Variants in ROCK2 observed in about 807,000 individuals in gnomAD.
The protein encoded by ROCK2 is rho-associated protein kinase 2.
ROCK2 carries 61 observed loss-of-function variants against 195.1 expected under a neutral mutation model. That is an observed-to-expected ratio of 0.31 (90% CI 0.25 to 0.39). The LOEUF (loss-of-function observed/expected upper bound fraction) is 0.39. ROCK2 is among the 10% of genes least tolerant of loss of function. The pLI is 1.00. For synonymous variants in ROCK2, 504 were observed against 545.5 expected (o/e 0.92, Z 1.06); for missense variants, 1,109 against 1,637.4 (o/e 0.68, Z 5.57).
In ROCK2 at chr2:11,198,791, GA is replaced by G. The variant is rs1367186723; in HGVS notation, c.2911-18del. ...TTCCTCAAGCTAAGAAATGAAAGAG[GA>G]AAAAATAATCACATCCCAATTTACA... On this transcript the variant is annotated intron_variant, in intron 23 of 32. Coordinates refer to ENST00000315872, the MANE Select transcript of ROCK2 (RefSeq NM_004850.5). 2.1e-6 allele frequency: 3 copies of G among 1,449,916 alleles called. No homozygotes were observed. Among genetic ancestry groups the G allele is most frequent in the Non-Finnish European group, 2.9e-6 (3 of 1,051,898 alleles). 89.8% of individuals were successfully genotyped at this position (1,449,916 alleles called of 1,614,324 possible). A position where few individuals can be genotyped will look rare whatever the true frequency, so the allele number is the denominator to read the frequency against.
intron 1 of ROCK2, among the ~76,000 whole-genome samples, chr2:11,288,013 G>A (rs1667252282): frequency 6.6e-6 from 1 of 152,172 alleles, no homozygotes. Flanking sequence ...TTGCTAGACA[G>A]ATGTCTTCTT....
upstream of ROCK2, among the ~76,000 whole-genome samples, chr2:11,344,763 T>G (rs1443161246): frequency 6.7e-6 from 1 of 149,550 alleles, no homozygotes; most frequent in Non-Finnish European, 1.5e-5. This position sits in a 1 kb window ranked among gnomAD's most constrained non-coding sequence, Gnocchi z 5.4. Flanking sequence ...TTCTTTCCCT[T>G]CCTGCGTCTG....
At position 11,254,459 on chromosome 2, in the gene ROCK2, A is replaced by G. The variant is rs368624672; in HGVS notation, c.325-4661T>C. Among the ~76,000 whole-genome samples the G allele has an allele frequency of 3.3e-5, 5 of 152,302 alleles. No homozygotes were observed. The East Asian group carries it at 5.8e-4, about 18-fold the overall frequency. On this transcript the variant is annotated intron_variant, in intron 3 of 32. Transcript: ENST00000315872. Reference sequence around the variant, plus strand: ...GGAGAGGGAGATCCCTAGAAGTCACATGTGTGTACTTGGCTAAAGGCTGGG... The same window carrying G: ...GGAGAGGGAGATCCCTAGAAGTCACGTGTGTGTACTTGGCTAAAGGCTGGG...
intron 20 of ROCK2, among the ~76,000 whole-genome samples, chr2:11,205,567 G>A (rs926184605): frequency 6.6e-6 from 1 of 150,452 alleles, no homozygotes; most frequent in East Asian, 2.0e-4. Context: ...AGCCAACATA[G>A]CACTTCATAT....
At chr2:11,271,743 C>T (rs982987869) in intron 3 of ROCK2, among the ~76,000 whole-genome samples, 22 of 152,048 alleles carry the variant, frequency 1.4e-4, no homozygotes, top group Admixed American at 8.5e-4. Context: ...CTGAAAGGTT[C>T]GGGGCTGGGC....
intron 30 of ROCK2, among the ~76,000 whole-genome samples, chr2:11,193,267 T>C (rs1355762670): frequency 6.6e-6 from 1 of 152,080 alleles, no homozygotes; most frequent in East Asian, 1.9e-4. Context: ...TTCCACACAG[T>C]ACACCAAGCA....
intron 3 of ROCK2, among the ~76,000 whole-genome samples, chr2:11,262,434 T>C (rs1303899190): frequency 2.0e-5 from 3 of 152,138 alleles, no homozygotes; most frequent in East Asian, 1.9e-4. Flanking sequence ...CATGGTGATA[T>C]GGTGTGGCTG....
At chr2:11,198,937 C>T (rs1289378974) in intron 23 of ROCK2, among the ~76,000 whole-genome samples, 163 bp from the exon 24 acceptor site, 1 of 143,344 alleles carries the variant, frequency 7.0e-6, no homozygotes, top group Non-Finnish European at 1.5e-5. Flanking sequence ...GTGAGTCTTG[C>T]TCTGTCAACC....
intron 3 of ROCK2, among the ~76,000 whole-genome samples, chr2:11,253,015 C>T (rs1011464110): frequency 6.7e-6 from 1 of 149,786 alleles, no homozygotes; most frequent in South Asian, 2.1e-4. Context: ...AGAATCTATA[C>T]TATTTCTACA....
intron 1 of ROCK2, among the ~76,000 whole-genome samples, chr2:11,336,411 G>A (rs1459456013): frequency 6.6e-6 from 1 of 152,066 alleles, no homozygotes; most frequent in East Asian, 1.9e-4. Context: ...CACCATGCCT[G>A]GCTAATTTTT....
chr2:11,343,903 C>T, intron 1 of ROCK2, 93 bp downstream of exon 1: 1 of 1,438,842 alleles, frequency 7.0e-7, no homozygotes, highest in Non-Finnish European at 9.2e-7. Context: ...AGACCTCCCC[C>T]TCCCCACGGG....
intron 23 of ROCK2, among the ~76,000 whole-genome samples, chr2:11,199,494 ATT>A (rs746902939): frequency 3.6e-5 from 5 of 139,806 alleles, no homozygotes; most frequent in Admixed American, 7.3e-5. Context: ...GATAAAAAAA[ATT>A]TTTTTTTTTT....
intron 1 of ROCK2, among the ~76,000 whole-genome samples, chr2:11,329,114 C>G (rs1668639115): frequency 6.6e-6 from 1 of 151,082 alleles, no homozygotes; most frequent in Non-Finnish European, 1.5e-5. Context: ...AAAAAATACA[C>G]TTGAAATTAA....
intron 1 of ROCK2, among the ~76,000 whole-genome samples, chr2:11,329,773 C>T (rs1446740656): frequency 6.6e-6 from 1 of 151,462 alleles, no homozygotes; most frequent in African/African-American, 2.4e-5. Flanking sequence ...TGCGTTTTCT[C>T]GTTTTTGTGA....
At chr2:11,266,724 T>C (rs1245215911) in intron 3 of ROCK2, among the ~76,000 whole-genome samples, 1 of 152,220 alleles carries the variant, frequency 6.6e-6, no homozygotes. Context: ...TAAAAGGCTA[T>C]GAAAGAAGCA....
At chr2:11,323,346 C>T (rs2148251649) in intron 1 of ROCK2, among the ~76,000 whole-genome samples, 1 of 152,286 alleles carries the variant, frequency 6.6e-6, no homozygotes, top group South Asian at 2.1e-4. Context: ...ATCTGCCCTA[C>T]ATATTTCACA....
At chr2:11,308,490 T>C (rs1281982451) in intron 1 of ROCK2, 48 of 1,599,286 alleles carry the variant, frequency 3.0e-5, no homozygotes, top group Non-Finnish European at 3.9e-5. Context: ...GGTACTTTCT[T>C]ACCAAGGTTG....
intron 4 of ROCK2, among the ~76,000 whole-genome samples, chr2:11,237,396 A>T (rs777016039): frequency 2.0e-5 from 3 of 152,254 alleles, no homozygotes; most frequent in Non-Finnish European, 4.4e-5. Flanking sequence ...TCTACCTAAA[A>T]GTAGTTCTAG....
At chr2:11,218,214 T>C (rs2148070666) in intron 11 of ROCK2, 1 of 348,274 alleles carries the variant, frequency 2.9e-6, no homozygotes, top group African/African-American at 2.1e-5. Flanking sequence ...TATATGCTAA[T>C]CAGAAATTTT....
Sources: allele counts gnomAD v4.1 joint callset (sites outside exome capture counted in the v4.1 genomes callset), GRCh38; gene constraint gnomAD v4.1.1; non-coding constraint Gnocchi (gnomAD v3.1); transcripts MANE v1.5; gene names NCBI Gene and HGNC (gene_info 2026-07-23, HGNC 2026-07-21).